FBN2: variants seen among roughly 807,000 people sequenced by gnomAD.
FBN2 encodes fibrillin 2.
FBN2 carries 105 observed loss-of-function variants against 355.6 expected under a neutral mutation model. The ratio of observed to expected loss-of-function variants is 0.30; its 90% CI spans 0.25 to 0.35. FBN2 has a LOEUF of 0.35. Among genes scored for constraint, FBN2 ranks in the 10% least tolerant of loss-of-function variants. The probability of loss-of-function intolerance (pLI) is 1.00; values close to 1 mark genes in which losing one functional copy is unlikely to be tolerated. For synonymous variants in FBN2, 1,350 were observed against 1,301.2 expected, an observed-to-expected ratio of 1.04 and a Z score of -0.81; for missense variants, 3,280 against 3,758.7, an observed-to-expected ratio of 0.87 and a Z score of 3.33.
chr5:128,370,637 T>C (rs1176618750), intron 15 of FBN2, among the ~76,000 whole-genome samples: 1 of 152,270 alleles, frequency 6.6e-6, no homozygotes, highest in East Asian at 1.9e-4. Flanking sequence ...ATTTCCAATA[T>C]GATTTTTGTG....
intron 25 of FBN2, among the ~76,000 whole-genome samples, chr5:128,343,470 TGA>T (rs1484813827): frequency 6.6e-6 from 1 of 151,848 alleles, no homozygotes; most frequent in Non-Finnish European, 1.5e-5. Context: ...GATGTGGCCG[TGA>T]GGTCAGGAAG....
chr5:128,408,061 AG>A (rs1752977492), intron 8 of FBN2, among the ~76,000 whole-genome samples: 1 of 152,166 alleles, frequency 6.6e-6, no homozygotes, highest in Non-Finnish European at 1.5e-5. Context: ...CTAGGTTAAA[AG>A]CTCAGGAAGG....
intron 7 of FBN2, among the ~76,000 whole-genome samples, chr5:128,432,032 T>A (rs950119835): frequency 2.7e-4 from 41 of 152,298 alleles, no homozygotes; most frequent in African/African-American, 9.6e-4. Flanking sequence ...ATGATAATGA[T>A]AAATCTTACA....
At chr5:128,270,818 A>T (rs1765251534) in intron 62 of FBN2, among the ~76,000 whole-genome samples, 1 of 152,246 alleles carries the variant, frequency 6.6e-6, no homozygotes, top group African/African-American at 2.4e-5. Context: ...TGAATCAATA[A>T]ATCTGGGCAT....
intron 7 of FBN2, among the ~76,000 whole-genome samples, chr5:128,431,084 T>C (rs898776796): frequency 2.6e-5 from 4 of 152,066 alleles, no homozygotes; most frequent in African/African-American, 7.2e-5. Flanking sequence ...TAGACAATAG[T>C]AGAGAAGATT....
At chr5:128,439,419 T>A (rs1449833167) in intron 7 of FBN2, among the ~76,000 whole-genome samples, 1 of 152,182 alleles carries the variant, frequency 6.6e-6, no homozygotes, top group Non-Finnish European at 1.5e-5. Flanking sequence ...GAATTTTTAT[T>A]TTATCAACAT....
At chr5:128,503,150 C>G (rs555953350) in intron 5 of FBN2, among the ~76,000 whole-genome samples, 3 of 152,302 alleles carry the variant, frequency 2.0e-5, no homozygotes, top group Admixed American at 1.3e-4. Flanking sequence ...AAGGGGAGTT[C>G]TCCTGCACAA....
intron 7 of FBN2, among the ~76,000 whole-genome samples, chr5:128,437,773 TATAGATAGATAGATAG>T (rs68027593): frequency 0.025 from 3,639 of 148,226 alleles, 55 homozygotes; most frequent in Non-Finnish European, 0.031. Flanking sequence ...AGTATGTATG[TATAGATAGATAGATAG>T]ATAGATAGAT....
At chr5:128,507,006 T>C (rs1303179591) in intron 5 of FBN2, among the ~76,000 whole-genome samples, 2 of 152,138 alleles carry the variant, frequency 1.3e-5, no homozygotes, top group African/African-American at 4.8e-5. Context: ...AGAAATTGTA[T>C]ATCATAATTG....
chr5:128,496,341 C>T (rs1267849951), intron 5 of FBN2, among the ~76,000 whole-genome samples: 1 of 151,982 alleles, frequency 6.6e-6, no homozygotes, highest in Non-Finnish European at 1.5e-5. Flanking sequence ...TACCACGACC[C>T]AGTGGGATTA....
rs202218356 is a variant in FBN2, at chr5:128,312,750, T to C, written c.4763A>G (p.Asp1588Gly). The change falls in exon 37 of 65, where the codon GAT becomes GGT. Residue 1588 changes from aspartate (D) to glycine (G), a missense_variant. Asp to Gly is a moderately conservative substitution (Grantham distance 94). Around this residue, in one of 6 missense-constraint regions of FBN2, gnomAD observed 2,284 missense variants for 2,749.5 expected, o/e 0.83. Transcript: ENST00000262464. ...CTCGGTGTTGCAAGACAGACTCCCA[T>C]CTCCTCGAGGTCCAAACTTCAGGTA... ...NCYLKFGPRG[D>G]GSLSCNTEIG... 1.2e-6 allele frequency: 2 copies of C among 1,613,368 alleles called. No individual in the cohort carries two copies. Among genetic ancestry groups the C allele is most frequent in the Admixed American group, 1.7e-5 (1 of 59,948 alleles).
chr5:128,408,236 C>G (rs1279881067), intron 8 of FBN2, among the ~76,000 whole-genome samples: 1 of 152,090 alleles, frequency 6.6e-6, no homozygotes, highest in Non-Finnish European at 1.5e-5. Flanking sequence ...GGAGAGCATA[C>G]AATGGTTTTA....
intron 6 of FBN2, among the ~76,000 whole-genome samples, chr5:128,451,575 C>T (rs965495528): frequency 1.3e-5 from 2 of 151,962 alleles, no homozygotes; most frequent in African/African-American, 4.8e-5. Context: ...TAATTTTGTA[C>T]TTTGAGTAGA....
At chr5:128,510,119 T>C (rs1430425283) in intron 5 of FBN2, among the ~76,000 whole-genome samples, 2 of 152,052 alleles carry the variant, frequency 1.3e-5, no homozygotes, top group South Asian at 4.1e-4. Flanking sequence ...ACTTAGGGAG[T>C]CTGCTAGGCC....
chr5:128,477,963 C>T (rs557728465), intron 5 of FBN2, among the ~76,000 whole-genome samples: 1 of 152,278 alleles, frequency 6.6e-6, no homozygotes, highest in African/African-American at 2.4e-5. Flanking sequence ...CTTCACTGGC[C>T]ACTTTGATAT....
At chr5:128,510,490 A>G (rs1581360150) in intron 5 of FBN2, among the ~76,000 whole-genome samples, 1 of 152,346 alleles carries the variant, frequency 6.6e-6, no homozygotes, top group East Asian at 1.9e-4. Flanking sequence ...TTAGTGTCCA[A>G]TATCATGAAA....
At chr5:128,362,195 C>T (rs1479987966) in intron 18 of FBN2, among the ~76,000 whole-genome samples, 1 of 152,086 alleles carries the variant, frequency 6.6e-6, no homozygotes, top group Non-Finnish European at 1.5e-5. Flanking sequence ...ATTCATTTGC[C>T]TGTATACTTG....
At chr5:128,388,349 A>G (rs527665197) in intron 11 of FBN2, among the ~76,000 whole-genome samples, 1 of 152,190 alleles carries the variant, frequency 6.6e-6, no homozygotes, top group Non-Finnish European at 1.5e-5. Context: ...TTTCAAGGAT[A>G]ATATTGGTAT....
chr5:128,411,860 T>A (rs1055148138), intron 7 of FBN2, among the ~76,000 whole-genome samples: 6 of 152,236 alleles, frequency 3.9e-5, no homozygotes, highest in African/African-American at 1.4e-4. Context: ...AGCATTAGCA[T>A]TTATGTTCAG....
Sources: allele counts gnomAD v4.1 joint callset (sites outside exome capture counted in the v4.1 genomes callset), GRCh38; gene constraint gnomAD v4.1.1; regional missense constraint gnomAD v4.1.1; transcripts MANE v1.5; gene names NCBI Gene and HGNC (gene_info 2026-07-23, HGNC 2026-07-21).